ELK3: variants seen among roughly 807,000 people sequenced by gnomAD.
ELK3 encodes the protein ETS transcription factor ELK3.
ELK3 carries 10 observed loss-of-function variants against 28.9 expected under a neutral mutation model. That is an observed-to-expected ratio of 0.35 (90% CI 0.21 to 0.59). ELK3 has a LOEUF of 0.59. ELK3 is among the 20% of genes least tolerant of loss of function. The probability of loss-of-function intolerance (pLI) is 0.82; values close to 1 mark genes in which losing one functional copy is unlikely to be tolerated. For synonymous variants in ELK3, 272 were observed against 243.5 expected, an observed-to-expected ratio of 1.12 and a Z score of -1.09; for missense variants, 463 against 517.3, an observed-to-expected ratio of 0.90 and a Z score of 1.02.
chr12:96,243,251 G>A (rs991838756), intron 2 of ELK3, among the ~76,000 whole-genome samples: 1 of 151,984 alleles, frequency 6.6e-6, no homozygotes, highest in Non-Finnish European at 1.5e-5. Context: ...ACCCATCACC[G>A]TGACCCACTT....
chr12:96,204,014 G>A (rs1335535810), intron 1 of ELK3, among the ~76,000 whole-genome samples: 1 of 152,188 alleles, frequency 6.6e-6, no homozygotes. Flanking sequence ...AGACTTGCAA[G>A]AAAAGTGGAT....
chr12:96,242,375 T>C (rs1951827484), intron 2 of ELK3, among the ~76,000 whole-genome samples: 1 of 152,234 alleles, frequency 6.6e-6, no homozygotes, highest in African/African-American at 2.4e-5. Flanking sequence ...GGGATAATAA[T>C]CATTCCATTC....
chr12:96,260,796 G>C (rs1411123241), intron 4 of ELK3, among the ~76,000 whole-genome samples: 2 of 152,192 alleles, frequency 1.3e-5, no homozygotes, highest in Non-Finnish European at 2.9e-5. Flanking sequence ...GTCCCTGCCT[G>C]TATCCTGTGC....
intron 2 of ELK3, among the ~76,000 whole-genome samples, chr12:96,225,232 C>G (rs1951690117): frequency 6.6e-6 from 1 of 152,148 alleles, no homozygotes; most frequent in African/African-American, 2.4e-5. Context: ...CTTTGAGACT[C>G]AAAAAGCATT....
chr12:96,240,391 A>G (rs1951812569), intron 2 of ELK3, among the ~76,000 whole-genome samples: 2 of 152,222 alleles, frequency 1.3e-5, no homozygotes, highest in African/African-American at 4.8e-5. Flanking sequence ...GGGGCTTGTC[A>G]TGCGTGGATG....
At chr12:96,195,500 G>A (rs979900351) in intron 1 of ELK3, among the ~76,000 whole-genome samples, 2 of 152,146 alleles carry the variant, frequency 1.3e-5, no homozygotes, top group African/African-American at 4.8e-5. Flanking sequence ...TTGGGGAGGC[G>A]GGATTAAGAT....
Position 96,268,101 on chromosome 12 carries a change from G to T in ELK3, c.*921G>T, listed in dbSNP as rs571068458. 40 of 152,334 alleles carry T rather than the reference G, an allele frequency of 2.6e-4. No homozygotes were observed. Among genetic ancestry groups the T allele is most frequent in the African/African-American group, 9.6e-4 (40 of 41,574 alleles). The allele number at this position is 152,334 out of a possible 1,614,324, so 9.4% of individuals were successfully genotyped here. A position where few individuals can be genotyped will look rare whatever the true frequency, so the allele number is the denominator to read the frequency against. ...ACTGTGTCAGTATAAGTAAGTTGGGGTTCCCCTGGAACTATAATTAACATT... is the reference window on the plus strand; with the variant it reads ...ACTGTGTCAGTATAAGTAAGTTGGGTTTCCCCTGGAACTATAATTAACATT... On this transcript the variant is annotated 3_prime_UTR_variant, in exon 5 of 5. Coordinates refer to ENST00000228741, the MANE Select transcript of ELK3 (RefSeq NM_005230.4).
intron 4 of ELK3, among the ~76,000 whole-genome samples, chr12:96,261,439 T>TA (rs1197475954): frequency 6.6e-6 from 1 of 152,204 alleles, no homozygotes; most frequent in African/African-American, 2.4e-5. Context: ...TTAGGAATAC[T>TA]AATCTTTTGG....
chr12:96,220,776 A>G (rs2137012613), intron 1 of ELK3, among the ~76,000 whole-genome samples: 1 of 152,204 alleles, frequency 6.6e-6, no homozygotes, highest in Middle Eastern at 3.4e-3. Flanking sequence ...AAACAAAGAC[A>G]TCATGTATTT....
At chr12:96,215,398 A>T (rs369573226) in intron 1 of ELK3, among the ~76,000 whole-genome samples, 184 of 152,260 alleles carry the variant, frequency 1.2e-3, no homozygotes, top group South Asian at 0.01. Flanking sequence ...GTCAGCTTCC[A>T]AGAAGAGGCC....
rs552639932 is a variant in ELK3 at position 96,247,999 on chromosome 12, G to A, written c.1002+265G>A. Reference sequence around the variant, plus strand: ...CCTAAAGTGACCATAGGTGGAACACGCACACTGGCCGACAAAGCAGATCTC... The same window carrying A: ...CCTAAAGTGACCATAGGTGGAACACACACACTGGCCGACAAAGCAGATCTC... On this transcript the variant is annotated intron_variant, in intron 3 of 4. Coordinates refer to ENST00000228741, the MANE Select transcript of ELK3 (RefSeq NM_005230.4). This position sits in a 1 kb window ranked among gnomAD's most constrained non-coding sequence, Gnocchi z 5.5. Among the ~76,000 whole-genome samples the A allele has an allele frequency of 2.8e-4, 43 of 152,268 alleles. No individual in the cohort carries two copies. Among genetic ancestry groups the A allele is most frequent in the African/African-American group, 9.1e-4 (38 of 41,562 alleles).
chr12:96,247,217 A>G lies in ELK3; in HGVS notation c.485A>G (p.Lys162Arg), dbSNP rs772322322. Reference sequence around the variant, plus strand: ...CCACCAGACGCCTTCAAGGCCATCAAGACGGAGAAGCTGGAGGAGCCGCCC... The same window carrying G: ...CCACCAGACGCCTTCAAGGCCATCAGGACGGAGAAGCTGGAGGAGCCGCCC... ...QNPPDAFKAIKTEKLEEPPED... is the reference protein window; with the variant it reads ...QNPPDAFKAIRTEKLEEPPED... The change falls in exon 3 of 5, where the codon AAG (lysine) becomes AGG (arginine). Residue 162 changes from lysine to arginine, a missense_variant. Lys to Arg is a conservative substitution (Grantham distance 26). Transcript: ENST00000228741. The surrounding 1 kb of genome is among the most constrained non-coding windows in gnomAD (Gnocchi z 5.5). The G allele has an allele frequency of 3.7e-6, 6 of 1,614,100 alleles. No homozygotes were observed. The highest frequency in any genetic ancestry group is 5.1e-6 in the Non-Finnish European group (6 of 1,180,028).
chr12:96,249,318 TCTGGA>T lies in ELK3; in HGVS notation c.1002+1590_1002+1594del, dbSNP rs199692626. On this transcript the variant is annotated intron_variant, in intron 3 of 4. Transcript: ENST00000228741. ...GGGCCACTGTCCTCTCCACGCTTTC[TCTGGA>T]CTGGATTCTGCCCAGGATTTCATGA... Among the ~76,000 whole-genome samples the T allele has an allele frequency of 3.9e-5, 6 of 152,342 alleles. No individual in the cohort carries two copies. In the East Asian group the frequency reaches 1.2e-3, roughly 29 times the overall value.
Position 96,247,222 on chromosome 12 carries a change from G to A in ELK3, c.490G>A (p.Glu164Lys). The part of the protein sequence containing the change: ...PPDAFKAIKT[E>K]KLEEPPEDSP... ...AGACGCCTTCAAGGCCATCAAGACG[G>A]AGAAGCTGGAGGAGCCGCCCGAAGA... The change falls in exon 3 of 5, where the codon GAG (glutamate) becomes AAG (lysine). Residue 164 changes from glutamate to lysine, a missense_variant. By Grantham distance (56) the Glu-to-Lys change is moderately conservative. Transcript: ENST00000228741. The surrounding 1 kb of genome is among the most constrained non-coding windows in gnomAD (Gnocchi z 5.5). The A allele has an allele frequency of 6.2e-7, 1 of 1,614,210 alleles. No homozygotes were observed. Among genetic ancestry groups the A allele is most frequent in the Non-Finnish European group, 8.5e-7 (1 of 1,180,026 alleles).
chr12:96,200,344 G>A (rs1265856392), intron 1 of ELK3, among the ~76,000 whole-genome samples: 2 of 152,094 alleles, frequency 1.3e-5, no homozygotes, highest in East Asian at 1.9e-4. Flanking sequence ...AAGCAATAGA[G>A]TAAAGAAAAC....
At chr12:96,208,197 G>A (rs992915815) in intron 1 of ELK3, among the ~76,000 whole-genome samples, 15 of 152,046 alleles carry the variant, frequency 9.9e-5, no homozygotes, top group South Asian at 2.1e-4. Context: ...GATTATAGGC[G>A]CCCGCCACCA....
rs1346534321 is a variant in ELK3 at position 96,268,397 on chromosome 12, C to A, written c.*1217C>A. The A allele has an allele frequency of 6.6e-6, 1 of 152,208 alleles. No homozygotes were observed. The highest frequency in any genetic ancestry group is 1.5e-5 in the Non-Finnish European group (1 of 68,036). 9.4% of individuals were successfully genotyped at this position (152,208 alleles called of 1,614,324 possible). A position where few individuals can be genotyped will look rare whatever the true frequency, so the allele number is the denominator to read the frequency against. On this transcript the variant is annotated 3_prime_UTR_variant, in exon 5 of 5. Transcript: ENST00000228741. ...ATGAAAAATTCTACAGGAACCTCAT[C>A]ATCGTGGAACTGAACTGATGATAAC...
chr12:96,218,496 A>C (rs1358865725), intron 1 of ELK3, among the ~76,000 whole-genome samples: 1 of 152,094 alleles, frequency 6.6e-6, no homozygotes, highest in Non-Finnish European at 1.5e-5. Context: ...GAGGGCTGCC[A>C]GATTACCTGT....
intron 3 of ELK3, among the ~76,000 whole-genome samples, chr12:96,257,954 A>T (rs543597377): frequency 6.6e-6 from 1 of 152,380 alleles, no homozygotes; most frequent in African/African-American, 2.4e-5. Flanking sequence ...ACCTAGCCAG[A>T]TAACTGCCTC....
Sources: gnomAD v4.1 joint callset for allele counts (sites outside exome capture counted in the v4.1 genomes callset) on GRCh38, gnomAD v4.1.1 for gene constraint, Gnocchi (gnomAD v3.1) non-coding constraint, MANE v1.5 for transcripts, NCBI Gene and HGNC (gene_info 2026-07-23, HGNC 2026-07-21) for gene names.